KCNJ6: variants seen among roughly 807,000 people sequenced by gnomAD.
KCNJ6 encodes the protein G protein-activated inward rectifier potassium channel 2.
A neutral mutation model predicts 34.2 loss-of-function variants in KCNJ6; 9 were observed. The observed-to-expected ratio is 0.26, with a 90% confidence interval of 0.16 to 0.46. KCNJ6 has a LOEUF of 0.46. KCNJ6 is among the 20% of genes least tolerant of loss of function. The pLI is 1.00. For synonymous variants in KCNJ6, 196 were observed against 207.1 expected (o/e 0.95, Z 0.46); for missense variants, 236 against 531.3 (o/e 0.44, Z 5.46).
At chr21:37,864,318 C>G (rs2055611135) in intron 1 of KCNJ6, among the ~76,000 whole-genome samples, 1 of 151,984 alleles carries the variant, frequency 6.6e-6, no homozygotes, top group Non-Finnish European at 1.5e-5. Context: ...CACGTGTTGG[C>G]CAGGGTGGTC....
At chr21:37,788,640 G>A (rs2055202975) in intron 2 of KCNJ6, among the ~76,000 whole-genome samples, 1 of 152,214 alleles carries the variant, frequency 6.6e-6, no homozygotes, top group Non-Finnish European at 1.5e-5. Flanking sequence ...AAAGGAAGGT[G>A]TGTCAGTTCT....
At chr21:37,828,354 T>C (rs2055408686) in intron 2 of KCNJ6, among the ~76,000 whole-genome samples, 1 of 152,144 alleles carries the variant, frequency 6.6e-6, no homozygotes, top group Non-Finnish European at 1.5e-5. Flanking sequence ...CCATCCACCT[T>C]CATCTGAGTT....
intron 1 of KCNJ6, among the ~76,000 whole-genome samples, chr21:37,872,680 G>A (rs890619504): frequency 2.0e-5 from 3 of 152,168 alleles, no homozygotes; most frequent in African/African-American, 7.2e-5. Context: ...TAGTTCATGT[G>A]AATCTGCGCC....
In KCNJ6 at chr21:37,616,591, A is replaced by G. The variant is rs201584475; in HGVS notation, c.*8568T>C. ...ATTATGAAGCAGGAACAAAATGTAC[A>G]TATATATATATATATATATATATAT... On this transcript the variant is annotated 3_prime_UTR_variant, in exon 4 of 4. Coordinates refer to ENST00000609713, the MANE Select transcript of KCNJ6 (RefSeq NM_002240.5). The G allele has an allele frequency of 6.1e-5, 1 of 16,518 alleles. No homozygotes were observed. The highest frequency in any genetic ancestry group is 1.0e-4 in the Non-Finnish European group (1 of 9,678). 1.0% of individuals were successfully genotyped at this position (16,518 alleles called of 1,614,324 possible). A position where few individuals can be genotyped will look rare whatever the true frequency, so the allele number is the denominator to read the frequency against.
At chr21:37,907,946 C>T (rs1458560783) in intron 1 of KCNJ6, among the ~76,000 whole-genome samples, 1 of 152,196 alleles carries the variant, frequency 6.6e-6, no homozygotes, top group Non-Finnish European at 1.5e-5. Context: ...CAAAAACATT[C>T]TCTTCATTAA....
At chr21:37,898,154 C>T (rs2055798568) in intron 1 of KCNJ6, among the ~76,000 whole-genome samples, 1 of 152,136 alleles carries the variant, frequency 6.6e-6, no homozygotes, top group Non-Finnish European at 1.5e-5. Flanking sequence ...TGTGTCTGAG[C>T]AGCTTTGGTT....
intron 3 of KCNJ6, among the ~76,000 whole-genome samples, chr21:37,704,030 T>C (rs1398143569): frequency 2.6e-5 from 4 of 152,230 alleles, no homozygotes; most frequent in Non-Finnish European, 5.9e-5. Flanking sequence ...TCATTTGTAG[T>C]CATGACCCAT....
chr21:37,826,443 A>G (rs1256139284), intron 2 of KCNJ6, among the ~76,000 whole-genome samples: 2 of 152,116 alleles, frequency 1.3e-5, no homozygotes, highest in African/African-American at 4.8e-5. Context: ...CTCACTTGGA[A>G]TCTCATCATC....
chr21:37,847,109 C>A (rs1363154395), intron 1 of KCNJ6, among the ~76,000 whole-genome samples: 3 of 152,038 alleles, frequency 2.0e-5, no homozygotes, highest in Non-Finnish European at 4.4e-5. Context: ...AGTCGGTATG[C>A]AAGTATGGTT....
intron 3 of KCNJ6, among the ~76,000 whole-genome samples, chr21:37,634,825 C>T (rs1176802280): frequency 6.7e-6 from 1 of 149,430 alleles, no homozygotes; most frequent in Admixed American, 6.7e-5. Flanking sequence ...GTGGCATGAT[C>T]TTGGCTCATT....
chr21:37,859,962 C>G (rs2055586604), intron 1 of KCNJ6, among the ~76,000 whole-genome samples: 1 of 152,056 alleles, frequency 6.6e-6, no homozygotes, highest in South Asian at 2.1e-4. Context: ...TCCCTCTTTC[C>G]CACCTTTACC....
chr21:37,826,838 G>C (rs542808675), intron 2 of KCNJ6, among the ~76,000 whole-genome samples: 131 of 152,176 alleles, frequency 8.6e-4, no homozygotes, highest in African/African-American at 3.0e-3. Context: ...AAACAGGGTG[G>C]GGAACACACA....
chr21:37,782,631 AT>A (rs1212228338), intron 2 of KCNJ6, among the ~76,000 whole-genome samples: 4 of 152,096 alleles, frequency 2.6e-5, no homozygotes, highest in Admixed American at 1.3e-4. Flanking sequence ...TTTTTGCCTC[AT>A]ATTCTAATCT....
At chr21:37,761,136 C>T (rs751565952) in intron 2 of KCNJ6, among the ~76,000 whole-genome samples, 59 of 150,542 alleles carry the variant, frequency 3.9e-4, no homozygotes, top group Non-Finnish European at 8.0e-4. Context: ...ATGTGGTGTA[C>T]GTGTGGTATG....
intron 3 of KCNJ6, among the ~76,000 whole-genome samples, chr21:37,682,442 T>C (rs2054594876): frequency 6.6e-6 from 1 of 152,132 alleles, no homozygotes; most frequent in Non-Finnish European, 1.5e-5. Context: ...TATATTGGTT[T>C]TATAGGAATA....
intron 1 of KCNJ6, among the ~76,000 whole-genome samples, chr21:37,871,792 T>C (rs961227483): frequency 2.0e-5 from 3 of 152,156 alleles, no homozygotes; most frequent in Non-Finnish European, 2.9e-5. Context: ...GTGGTTTATT[T>C]CCCATTCACA....
At chr21:37,913,240 G>A (rs910760120) in intron 1 of KCNJ6, among the ~76,000 whole-genome samples, 23 of 152,342 alleles carry the variant, frequency 1.5e-4, no homozygotes, top group African/African-American at 5.5e-4. Context: ...TGTTTTCCCT[G>A]TATGAATGTT....
intron 3 of KCNJ6, among the ~76,000 whole-genome samples, chr21:37,681,299 G>C (rs950222445): frequency 1.3e-5 from 2 of 152,272 alleles, no homozygotes; most frequent in African/African-American, 2.4e-5. Flanking sequence ...CTGACAACTT[G>C]AAACTCTCAA....
chr21:37,699,851 T>C (rs947065713), intron 3 of KCNJ6, among the ~76,000 whole-genome samples: 19 of 152,300 alleles, frequency 1.2e-4, no homozygotes, highest in African/African-American at 3.6e-4. Flanking sequence ...GGGGAACCTA[T>C]AGAATAGACT....
Sources: allele counts gnomAD v4.1 joint callset (sites outside exome capture counted in the v4.1 genomes callset), GRCh38; gene constraint gnomAD v4.1.1; transcripts MANE v1.5; gene names NCBI Gene and HGNC (gene_info 2026-07-23, HGNC 2026-07-21).